Variants in PIK3CA observed in about 807,000 individuals in gnomAD.
PIK3CA encodes the protein phosphatidylinositol 4,5-bisphosphate 3-kinase catalytic subunit alpha isoform.
A neutral mutation model predicts 138.2 loss-of-function variants in PIK3CA; 27 were observed. The ratio of observed to expected loss-of-function variants is 0.20; its 90% CI spans 0.14 to 0.27. The LOEUF (loss-of-function observed/expected upper bound fraction) is 0.27. Among genes scored for constraint, PIK3CA ranks in the 10% least tolerant of loss-of-function variants. The pLI is 1.00. For synonymous variants in PIK3CA, 358 were observed against 413.2 expected, an observed-to-expected ratio of 0.87 and a Z score of 1.62; for missense variants, 544 against 1,277.4, an observed-to-expected ratio of 0.43 and a Z score of 8.75.
chr3:179,161,336 A>G (rs1279398275), intron 1 of PIK3CA, among the ~76,000 whole-genome samples: 2 of 152,228 alleles, frequency 1.3e-5, no homozygotes, highest in African/African-American at 2.4e-5. Flanking sequence ...AATTCTGCCT[A>G]GTATCATTGA....
At chr3:179,177,690 A>G (rs973498718) in intron 1 of PIK3CA, among the ~76,000 whole-genome samples, 1 of 152,246 alleles carries the variant, frequency 6.6e-6, no homozygotes, top group East Asian at 1.9e-4. Context: ...AAATTAACAA[A>G]AAGATCACTT....
chr3:179,211,669 A>G lies in PIK3CA; in HGVS notation c.1539+1104A>G, dbSNP rs1418630688. Among the ~76,000 whole-genome samples, 3 of 152,168 alleles carry G rather than the reference A, an allele frequency of 2.0e-5. No individual in the cohort carries two copies. The East Asian group carries it at 5.8e-4, about 29-fold the overall frequency. On this transcript the variant is annotated intron_variant, in intron 9 of 20. Transcript: ENST00000263967. The stretch of plus-strand genomic sequence containing the variant: ...GCAACAGAGCAAGACTCCGTCTCAA[A>G]AAACAAAACAAAACAAAATGCTATG...
At position 179,224,897 on chromosome 3, in the gene PIK3CA, G is replaced by A. The variant is rs17849076; in HGVS notation, c.2416+76G>A. ...TATACACAGGATATTTATGAACCAT[G>A]AAAACTACTGAAAGCCATTTAAGGA... On this transcript the variant is annotated intron_variant, in intron 16 of 20. Coordinates refer to ENST00000263967, the MANE Select transcript of PIK3CA (RefSeq NM_006218.4). 1.1e-4 allele frequency: 113 copies of A among 982,622 alleles called. 1 individual carries two copies. The East Asian group carries it at 2.7e-3, about 23-fold the overall frequency. The allele number at this position is 982,622 out of a possible 1,614,324, so 60.9% of individuals were successfully genotyped here. A position where few individuals can be genotyped will look rare whatever the true frequency, so the allele number is the denominator to read the frequency against.
chr3:179,228,922 G>A (rs1032588727), intron 17 of PIK3CA, among the ~76,000 whole-genome samples: 1 of 151,988 alleles, frequency 6.6e-6, no homozygotes, highest in African/African-American at 2.4e-5. Context: ...GAGAACTTCT[G>A]CCCTACAGTT....
chr3:179,208,728 C>G (rs763209942), intron 6 of PIK3CA, among the ~76,000 whole-genome samples: 25 of 151,916 alleles, frequency 1.6e-4, no homozygotes, highest in Non-Finnish European at 3.1e-4. Context: ...AATTTTTTAT[C>G]TTGTTCACTT....
intron 1 of PIK3CA, among the ~76,000 whole-genome samples, chr3:179,157,946 A>G (rs1723181080): frequency 6.6e-6 from 1 of 152,152 alleles, no homozygotes; most frequent in Admixed American, 6.5e-5. Context: ...TGAGGATTAA[A>G]TAAATAATAC....
At chr3:179,216,142 A>G (rs1724831032) in intron 9 of PIK3CA, among the ~76,000 whole-genome samples, 2 of 152,260 alleles carry the variant, frequency 1.3e-5, no homozygotes, top group Admixed American at 1.3e-4. Context: ...ATGAAATGTC[A>G]GATGACAACA....
chr3:179,199,724 T>C lies in PIK3CA; in HGVS notation c.387T>C (p.Asp129=). ...FAIGMPVCEF[D]MVKDPEVQDF... Reference sequence around the variant, plus strand: ...TCGGCATGCCAGTGTGTGAATTTGATATGGTTAAAGATCCAGAAGTACAGG... The same window carrying C: ...TCGGCATGCCAGTGTGTGAATTTGACATGGTTAAAGATCCAGAAGTACAGG... Residue 129 remains aspartate, a synonymous_variant, in exon 3 of 21, where the codon GAT becomes GAC. Coordinates refer to ENST00000263967, the MANE Select transcript of PIK3CA (RefSeq NM_006218.4). 1 of 1,612,946 alleles carries C rather than the reference T, an allele frequency of 6.2e-7. No individual in the cohort carries two copies. Among genetic ancestry groups the C allele is most frequent in the Non-Finnish European group, 8.5e-7 (1 of 1,179,122 alleles).
rs1183769849 is a variant in PIK3CA at position 179,219,972 on chromosome 3, G to C, written c.1935G>C (p.Leu645Phe). The change falls in exon 13 of 21, where the codon TTG becomes TTC. Residue 645 changes from leucine to phenylalanine, a missense_variant. Physicochemically the swap from Leu to Phe is conservative, Grantham distance 22 (BLOSUM62 0). Around this residue, in one of 14 missense-constraint regions of PIK3CA, gnomAD observed 22 missense variants for 107.9 expected, o/e 0.20. Transcript: ENST00000263967. The surrounding 1 kb of genome is among the most constrained non-coding windows in gnomAD (Gnocchi z 4.2). ...AGGTCCTAAAATATGAACAATATTT[G>C]GATAACTTGCTTGTGAGATTTTTAC... ...LVQVLKYEQY[L>F]DNLLVRFLLK... is the part of the protein sequence containing the mutation. 1 of 1,606,012 alleles carries C rather than the reference G, an allele frequency of 6.2e-7. No homozygotes were observed. Among genetic ancestry groups the C allele is most frequent in the South Asian group, 1.1e-5 (1 of 88,818 alleles).
intron 17 of PIK3CA, 111 bp downstream of exon 17, chr3:179,226,151 A>G (rs973449123): frequency 8.1e-5 from 48 of 594,406 alleles, no homozygotes; most frequent in African/African-American, 8.0e-4. Flanking sequence ...TGTATGCAGT[A>G]ATTATCAGTA....
rs1390868597 is a variant in PIK3CA, at chr3:179,237,337, C to CT, written c.*2976dup. 1.0e-5 allele frequency: 2 copies of CT among 195,516 alleles called. No individual in the cohort carries two copies. The allele number at this position is 195,516 out of a possible 1,614,324, so 12.1% of individuals were successfully genotyped here. A position where few individuals can be genotyped will look rare whatever the true frequency, so the allele number is the denominator to read the frequency against. Reference sequence around the variant, plus strand: ...TAAAACTTAGTGTCAAAGTAATCAACTTTGAGATTTTCCCTTCTATTCTGC... The same window carrying CT: ...TAAAACTTAGTGTCAAAGTAATCAACTTTTGAGATTTTCCCTTCTATTCTGC... On this transcript the variant is annotated 3_prime_UTR_variant, in exon 21 of 21. Transcript: ENST00000263967.
intron 6 of PIK3CA, among the ~76,000 whole-genome samples, chr3:179,204,936 G>A (rs979573543): frequency 2.1e-5 from 3 of 142,550 alleles, no homozygotes; most frequent in Non-Finnish European, 3.0e-5. Flanking sequence ...CAGGAGAATC[G>A]CTTGAACCTG....
At chr3:179,193,063 C>T (rs1248721649) in intron 1 of PIK3CA, among the ~76,000 whole-genome samples, 1 of 152,300 alleles carries the variant, frequency 6.6e-6, no homozygotes, top group African/African-American at 2.4e-5. Flanking sequence ...TTAAAGGCGT[C>T]GTTACTTCTG....
chr3:179,194,588 C>T (rs1470985911), intron 1 of PIK3CA, among the ~76,000 whole-genome samples: 1 of 152,174 alleles, frequency 6.6e-6, no homozygotes, highest in Non-Finnish European at 1.5e-5. Flanking sequence ...CATCTGGCCC[C>T]TACCTACCTT....
In PIK3CA at chr3:179,217,889, G is replaced by C. The variant is rs192525208; in HGVS notation, c.1540-321G>C. Among the ~76,000 whole-genome samples the C allele has an allele frequency of 1.9e-3, 282 of 152,106 alleles. 1 individual carries two copies. The highest frequency in any genetic ancestry group is 6.7e-3 in the African/African-American group (277 of 41,552). On this transcript the variant is annotated intron_variant, in intron 9 of 20. Coordinates refer to ENST00000263967, the MANE Select transcript of PIK3CA (RefSeq NM_006218.4). ...AAGTTAACAAGATCCTCATCAGGAGGAAAAGTAAATTGTTCACTACCATCC... is the reference window on the plus strand; with the variant it reads ...AAGTTAACAAGATCCTCATCAGGAGCAAAAGTAAATTGTTCACTACCATCC...
intron 6 of PIK3CA, 63 bp from the exon 7 acceptor site, chr3:179,209,532 C>A: frequency 1.1e-6 from 1 of 906,272 alleles, no homozygotes; most frequent in South Asian, 2.0e-5. Context: ...TTGTAGGAGT[C>A]ATTTATATAC....
rs1439443173 is a variant in PIK3CA, at chr3:179,201,286, A to G, written c.563-4A>G. ...TGATTGCATCTAATGTTTTCCTGTT[A>G]TAGGGCAAATAATAGTGGTGATCTG... On this transcript the variant is annotated splice_region_variant and splice_polypyrimidine_tract_variant and intron_variant, in intron 3 of 20. Coordinates refer to ENST00000263967, the MANE Select transcript of PIK3CA (RefSeq NM_006218.4). 2 of 1,609,490 alleles carry G rather than the reference A, an allele frequency of 1.2e-6. No homozygotes were observed. The highest frequency in any genetic ancestry group is 1.7e-6 in the Non-Finnish European group (2 of 1,177,158).
At chr3:179,223,635 T>G (rs1725016836) in intron 14 of PIK3CA, among the ~76,000 whole-genome samples, 1 of 152,146 alleles carries the variant, frequency 6.6e-6, no homozygotes, top group Admixed American at 6.6e-5. Flanking sequence ...ATCAGCAAGT[T>G]TTCTTAAAGG....
chr3:179,167,489 T>C (rs1369890990), intron 1 of PIK3CA, among the ~76,000 whole-genome samples: 2 of 152,144 alleles, frequency 1.3e-5, no homozygotes, highest in African/African-American at 4.8e-5. Context: ...ATTCTTCCTT[T>C]CAAGTCTTTC....
Sources: allele counts gnomAD v4.1 joint callset (sites outside exome capture counted in the v4.1 genomes callset), GRCh38; gene constraint gnomAD v4.1.1; regional missense constraint gnomAD v4.1.1; non-coding constraint Gnocchi (gnomAD v3.1); transcripts MANE v1.5; gene names NCBI Gene and HGNC (gene_info 2026-07-23, HGNC 2026-07-21).